SEC14L5: variants seen among roughly 807,000 people sequenced by gnomAD.
SEC14L5 encodes the protein SEC14 like lipid binding 5.
In SEC14L5, 96 loss-of-function variants were observed where a neutral mutation model predicts 84.6. The observed-to-expected ratio is 1.13, with a 90% CI of 0.96 to 1.34. SEC14L5 has a LOEUF of 1.34. Among genes scored for constraint, SEC14L5 ranks in the 40% most tolerant of loss-of-function variants. SEC14L5 has a pLI of 0.00. For synonymous variants in SEC14L5, 546 were observed against 383.4 expected (o/e 1.42, Z -4.95); for missense variants, 1,224 against 942.5 (o/e 1.30, Z -3.91).
At chr16:4,969,266 TGTGTGCATTCCACA>T (rs1955244830) in intron 2 of SEC14L5, among the ~76,000 whole-genome samples, 1 of 152,258 alleles carries the variant, frequency 6.6e-6, no homozygotes, top group Non-Finnish European at 1.5e-5. Context: ...CATTCATGCA[TGTGTGCATTCCACA>T]AATATTTTTT....
intron 3 of SEC14L5, 132 bp downstream of exon 3, chr16:4,987,838 G>A: frequency 1.4e-6 from 1 of 727,294 alleles, no homozygotes; most frequent in Non-Finnish European, 2.2e-6. Flanking sequence ...TTGATATTTG[G>A]ATGGAGGTTC....
intron 2 of SEC14L5, among the ~76,000 whole-genome samples, chr16:4,971,245 C>T (rs1013222734): frequency 6.6e-6 from 1 of 152,120 alleles, no homozygotes; most frequent in East Asian, 1.9e-4. Flanking sequence ...TTGTTTGAGC[C>T]TAGGAGTTTG....
intron 12 of SEC14L5, 96 bp from the exon 13 acceptor site, chr16:5,007,256 T>A: frequency 8.6e-7 from 1 of 1,163,312 alleles, no homozygotes; most frequent in Non-Finnish European, 1.2e-6. Context: ...GTTGCAATTA[T>A]GAGTGGCTTT....
At chr16:4,981,711 C>T (rs542542202) in intron 2 of SEC14L5, among the ~76,000 whole-genome samples, 3 of 152,214 alleles carry the variant, frequency 2.0e-5, no homozygotes, top group South Asian at 2.1e-4. Flanking sequence ...TTCACCATCC[C>T]GTGCTGTGTG....
At chr16:4,999,338 C>A (rs904175481) in intron 8 of SEC14L5, among the ~76,000 whole-genome samples, 3 of 152,200 alleles carry the variant, frequency 2.0e-5, no homozygotes, top group African/African-American at 7.2e-5. Context: ...GGCGCAGTGG[C>A]TCACACCTGT....
chr16:4,978,788 G>T (rs1180632786), intron 2 of SEC14L5, among the ~76,000 whole-genome samples: 1 of 152,114 alleles, frequency 6.6e-6, no homozygotes, highest in African/African-American at 2.4e-5. Flanking sequence ...ATTTTTAGTA[G>T]AGACGGGTTT....
At chr16:4,964,031 A>C (rs1955162812) in intron 2 of SEC14L5, among the ~76,000 whole-genome samples, 1 of 152,190 alleles carries the variant, frequency 6.6e-6, no homozygotes, top group African/African-American at 2.4e-5. Context: ...GGTTCAAAAC[A>C]ATGAGCTTTT....
intron 2 of SEC14L5, among the ~76,000 whole-genome samples, chr16:4,966,267 C>CTTTTTTTTTTTTTTTTT (rs1019686741): frequency 1.3e-5 from 1 of 78,770 alleles, no homozygotes; most frequent in Non-Finnish European, 2.4e-5. Flanking sequence ...CGCCCGGCCT[C>CTTTTTTTTTTTTTTTTT]TTTTTTTTTT....
rs1470332251 is a variant in SEC14L5 at position 4,959,341 on chromosome 16, G to C, written c.18G>C (p.Gln6His). The C allele has an allele frequency of 6.2e-7, 1 of 1,613,736 alleles. No homozygotes were observed. Among genetic ancestry groups the C allele is most frequent in the African/African-American group, 1.3e-5 (1 of 74,908 alleles). MVQRY[Q>H]SPVRVYKYPF... ...GCGTGAACATGGTGCAAAGATACCA[G>C]TCTCCTGTCCGAGTCTACAAGTACC... The change falls in exon 2 of 16, where the codon CAG (glutamine) becomes CAC (histidine). Residue 6 changes from glutamine (Q) to histidine (H), a missense_variant. Transcript: ENST00000251170.
intron 15 of SEC14L5, among the ~76,000 whole-genome samples, chr16:5,011,532 C>T (rs753104828): frequency 3.3e-5 from 5 of 152,190 alleles, no homozygotes; most frequent in Non-Finnish European, 7.3e-5. Flanking sequence ...CTTTTTGGAG[C>T]AGTTGGAGGG....
At chr16:4,972,047 C>A (rs1268668553) in intron 2 of SEC14L5, among the ~76,000 whole-genome samples, 3 of 151,520 alleles carry the variant, frequency 2.0e-5, no homozygotes, top group African/African-American at 7.3e-5. Flanking sequence ...TTTTAATTGC[C>A]CGGGCTGGAG....
chr16:4,970,555 C>G (rs1955262414), intron 2 of SEC14L5, among the ~76,000 whole-genome samples: 1 of 152,198 alleles, frequency 6.6e-6, no homozygotes, highest in African/African-American at 2.4e-5. Flanking sequence ...ATGTAAATGT[C>G]AAGCTGCTCT....
chr16:5,013,045 G>A (rs1418723099), intron 15 of SEC14L5, among the ~76,000 whole-genome samples: 1 of 152,144 alleles, frequency 6.6e-6, no homozygotes, highest in Non-Finnish European at 1.5e-5. Flanking sequence ...AGAGAGAGCA[G>A]AGGAAGCCAC....
intron 12 of SEC14L5, 60 bp from the exon 13 acceptor site, chr16:5,007,292 G>A (rs750322410): frequency 1.8e-5 from 28 of 1,557,468 alleles, no homozygotes; most frequent in Non-Finnish European, 2.4e-5. Context: ...CCCTTCTGTG[G>A]GTCAGGCCAG....
chr16:4,987,575 C>G lies in SEC14L5; in HGVS notation c.82C>G (p.Pro28Ala). Residue 28 changes from proline (P) to alanine (A), a missense_variant, in exon 3 of 16, where the codon CCC (proline) becomes GCC (alanine). By Grantham distance (27) the Pro-to-Ala change is conservative. Coordinates refer to ENST00000251170, the MANE Select transcript of SEC14L5 (RefSeq NM_014692.2). ...CCCCCAGGCCTACGAGAAGCGTTTC[C>G]CCACGTGCCCACAGATCCCAGTCTT... ...LVMAAYEKRF[P>A]TCPQIPVFLG... 1.3e-6 allele frequency: 2 copies of G among 1,560,344 alleles called. No homozygotes were observed. Among genetic ancestry groups the G allele is most frequent in the Non-Finnish European group, 1.7e-6 (2 of 1,153,358 alleles).
chr16:4,980,301 G>A (rs1228358971), intron 2 of SEC14L5, among the ~76,000 whole-genome samples: 2 of 152,166 alleles, frequency 1.3e-5, no homozygotes, highest in African/African-American at 4.8e-5. Context: ...ATGTCCCCCC[G>A]AAACATGTGG....
chr16:5,008,375 C>CTA lies in SEC14L5; in HGVS notation c.1573-45_1573-44dup. The CTA allele has an allele frequency of 8.4e-6, 12 of 1,420,878 alleles. No homozygotes were observed. The African/African-American group carries it at 1.1e-4, about 13-fold the overall frequency. 88.0% of individuals were successfully genotyped at this position (1,420,878 alleles called of 1,614,324 possible). A position where few individuals can be genotyped will look rare whatever the true frequency, so the allele number is the denominator to read the frequency against. On this transcript the variant is annotated intron_variant, in intron 13 of 15. Coordinates refer to ENST00000251170, the MANE Select transcript of SEC14L5 (RefSeq NM_014692.2). ...TGCCACTGTGTTCCCCACCCCAGCT[C>CTA]TACTCTCTCGGCCGTGACTCTCAGA...
chr16:4,988,895 G>C (rs1955523966), intron 4 of SEC14L5, among the ~76,000 whole-genome samples: 1 of 152,264 alleles, frequency 6.6e-6, no homozygotes. Flanking sequence ...GTCCATTCCA[G>C]TGGAACAAAA....
At chr16:5,005,120 G>T (rs531576822) in intron 11 of SEC14L5, among the ~76,000 whole-genome samples, 2 of 152,278 alleles carry the variant, frequency 1.3e-5, no homozygotes, top group East Asian at 3.9e-4. Context: ...AGACCAGCCT[G>T]GCCAACATGG....
Sources: allele counts gnomAD v4.1 joint callset (sites outside exome capture counted in the v4.1 genomes callset), GRCh38; gene constraint gnomAD v4.1.1; transcripts MANE v1.5; gene names NCBI Gene and HGNC (gene_info 2026-07-23, HGNC 2026-07-21).